PRR11: variants seen among roughly 807,000 people sequenced by gnomAD.
The protein encoded by PRR11 is proline-rich protein 11.
PRR11 carries 30 observed loss-of-function variants against 45.6 expected under a neutral mutation model. The ratio of observed to expected loss-of-function variants is 0.66; its 90% CI spans 0.49 to 0.89. The LOEUF (loss-of-function observed/expected upper bound fraction) is 0.89. Among genes scored for constraint, PRR11 ranks in the 40% least tolerant of loss-of-function variants. The pLI is 0.00. For synonymous variants in PRR11, 128 were observed against 153.5 expected (o/e 0.83, Z 1.23); for missense variants, 373 against 424.8 (o/e 0.88, Z 1.07).
chr17:59,190,183 A>G lies in PRR11; in HGVS notation c.403-3309A>G, dbSNP rs574310669. ...CCAGGGAGGAGGATGATATAGAATT[A>G]AGAATGGGCCAGGCACGGTGGCTCA... On this transcript the variant is annotated intron_variant, in intron 4 of 9. Coordinates refer to ENST00000262293, the MANE Select transcript of PRR11 (RefSeq NM_018304.4). Among the ~76,000 whole-genome samples the G allele has an allele frequency of 4.6e-5, 7 of 152,230 alleles. No homozygotes were observed. The South Asian group carries it at 1.4e-3, about 32-fold the overall frequency.
rs71367676 is a variant in PRR11 at position 59,176,684 on chromosome 17, C to CTT, written c.128+6833_128+6834dup. Among the ~76,000 whole-genome samples the CTT allele has an allele frequency of 7.7e-3, 302 of 39,012 alleles. 84 individuals are homozygous for CTT. The highest frequency in any genetic ancestry group is 0.03 in the African/African-American group (246 of 8,240). 25.6% of individuals were successfully genotyped at this position (39,012 alleles called of 152,430 possible). ...TGGCGTTGGAATTTGGTTTTTTTGG[C>CTT]TTTTTTTTTTTTTTTTTTTTTTTTT... On this transcript the variant is annotated intron_variant, in intron 2 of 9. Transcript: ENST00000262293.
chr17:59,185,252 C>A, intron 3 of PRR11, 48 bp downstream of exon 3: 1 of 1,600,566 alleles, frequency 6.2e-7, no homozygotes, highest in Admixed American at 1.7e-5. Flanking sequence ...TTTCTACACA[C>A]TTGGTGTTTA....
chr17:59,184,997 A>G, intron 2 of PRR11, 57 bp from the exon 3 acceptor site: 1 of 1,542,592 alleles, frequency 6.5e-7, no homozygotes, highest in Non-Finnish European at 8.8e-7. Flanking sequence ...ACACCAGGCC[A>G]AGGCTATTAT....
In PRR11 at chr17:59,180,510, G is replaced by GTTTTT. The variant is rs1555716481; in HGVS notation, c.129-4540_129-4536dup. On this transcript the variant is annotated intron_variant, in intron 2 of 9. Coordinates refer to ENST00000262293, the MANE Select transcript of PRR11 (RefSeq NM_018304.4). ...GGCCCGTCCTTGTTTTTTTTTTTTTGTTTTTTTTGTTTTTTTTGCCACAGG... is the reference window on the plus strand; with the variant it reads ...GGCCCGTCCTTGTTTTTTTTTTTTTGTTTTTTTTTTTTTGTTTTTTTTGCCACAGG... Among the ~76,000 whole-genome samples the GTTTTT allele has an allele frequency of 1.6e-4, 17 of 108,654 alleles. 1 individual carries two copies. Among genetic ancestry groups the GTTTTT allele is most frequent in the African/African-American group, 7.5e-4 (17 of 22,612 alleles). The allele number at this position is 108,654 out of a possible 152,430, so 71.3% of individuals were successfully genotyped here.
Position 59,205,564 on chromosome 17 carries a change from T to C in PRR11, c.*3933T>C, listed in dbSNP as rs573146891. On this transcript the variant is annotated 3_prime_UTR_variant, in exon 10 of 10. Coordinates refer to ENST00000262293, the MANE Select transcript of PRR11 (RefSeq NM_018304.4). ...TAAAAATACAAAAATTAGCCGGGCATAGTGGCAGACACCTGTAATCCCAGC... is the reference window on the plus strand; with the variant it reads ...TAAAAATACAAAAATTAGCCGGGCACAGTGGCAGACACCTGTAATCCCAGC... 3.5e-4 allele frequency among the ~76,000 whole-genome samples: 51 copies of C among 147,374 alleles called. No homozygotes were observed. The highest frequency in any genetic ancestry group is 1.2e-3 in the African/African-American group (49 of 39,698).
At chr17:59,199,957 C>A (rs4968331) in intron 9 of PRR11, among the ~76,000 whole-genome samples, 10,999 of 152,172 alleles carry the variant, frequency 0.072, 858 homozygotes, top group African/African-American at 0.18. Flanking sequence ...CGAGGCCTCA[C>A]GGGTCTTAGC....
chr17:59,190,661 A>G (rs902881516), intron 4 of PRR11, among the ~76,000 whole-genome samples: 3 of 152,224 alleles, frequency 2.0e-5, no homozygotes, highest in African/African-American at 4.8e-5. Context: ...CAGAGGCTCA[A>G]ATGATATTGT....
At chr17:59,198,965 G>A (rs935535125) in intron 9 of PRR11, among the ~76,000 whole-genome samples, 2 of 152,200 alleles carry the variant, frequency 1.3e-5, no homozygotes, top group African/African-American at 2.4e-5. Flanking sequence ...CCAGCAGTGT[G>A]TTGAAGTACT....
intron 5 of PRR11, among the ~76,000 whole-genome samples, chr17:59,194,079 G>A (rs937853281): frequency 6.6e-6 from 1 of 152,130 alleles, no homozygotes; most frequent in African/African-American, 2.4e-5. Flanking sequence ...CAAAGAGTTA[G>A]TGGATTCCAA....
At chr17:59,187,698 C>G (rs149609915) in intron 4 of PRR11, among the ~76,000 whole-genome samples, 3 of 151,790 alleles carry the variant, frequency 2.0e-5, no homozygotes, top group African/African-American at 7.3e-5. Flanking sequence ...AACCCTGTCT[C>G]TACTAAAAAT....
chr17:59,197,343 C>G (rs2046871367), intron 7 of PRR11, among the ~76,000 whole-genome samples: 1 of 150,968 alleles, frequency 6.6e-6, no homozygotes, highest in African/African-American at 2.4e-5. Flanking sequence ...GCTCTGCCTT[C>G]CGGGTTCACG....
At chr17:59,160,891 C>T (rs916243595) in intron 1 of PRR11, 7 of 151,730 alleles carry the variant, frequency 4.6e-5, no homozygotes, top group Non-Finnish European at 1.0e-4. Context: ...GCCACCACGC[C>T]AGGATTTTTT....
intron 4 of PRR11, among the ~76,000 whole-genome samples, chr17:59,187,856 C>T (rs886236225): frequency 4.1e-5 from 6 of 145,564 alleles, no homozygotes; most frequent in Non-Finnish European, 9.0e-5. Context: ...CAGAATGAGA[C>T]TCCATTAAAA....
chr17:59,198,360 C>T (rs760778544), intron 9 of PRR11, among the ~76,000 whole-genome samples: 27 of 151,502 alleles, frequency 1.8e-4, no homozygotes, highest in Non-Finnish European at 3.4e-4. Context: ...GCCAACATGA[C>T]AAAACCCTGT....
chr17:59,188,620 C>T (rs1488196504), intron 4 of PRR11, among the ~76,000 whole-genome samples: 1 of 151,970 alleles, frequency 6.6e-6, no homozygotes, highest in East Asian at 1.9e-4. Context: ...CATCAGTCCC[C>T]CTCCCCCAGG....
In PRR11 at chr17:59,169,654, T is replaced by C. The variant is rs2046697292; in HGVS notation, c.-5-94T>C. 3.0e-5 allele frequency: 35 copies of C among 1,164,884 alleles called. No homozygotes were observed. In the South Asian group the frequency reaches 5.9e-4, roughly 20 times the overall value. 72.2% of individuals were successfully genotyped at this position (1,164,884 alleles called of 1,614,324 possible). A position where few individuals can be genotyped will look rare whatever the true frequency, so the allele number is the denominator to read the frequency against. On this transcript the variant is annotated intron_variant, in intron 1 of 9. Coordinates refer to ENST00000262293, the MANE Select transcript of PRR11 (RefSeq NM_018304.4). ...GATGGTGGTTTCAAGGGTGTGTTCA[T>C]GGTATAATTCATTAACTATACACTT... is the stretch of plus-strand genomic sequence containing the variant.
At chr17:59,179,842 A>G in intron 2 of PRR11, 1 of 1,345,254 alleles carries the variant, frequency 7.4e-7, no homozygotes, top group Non-Finnish European at 1.0e-6. Context: ...TTTTCCAGCA[A>G]AGGGACCCAC....
Position 59,185,130 on chromosome 17 carries a change from A to G in PRR11, c.205A>G (p.Ile69Val), listed in dbSNP as rs1254927988. 20 of 1,613,908 alleles carry G rather than the reference A, an allele frequency of 1.2e-5. No homozygotes were observed. The highest frequency in any genetic ancestry group is 1.7e-5 in the Non-Finnish European group (20 of 1,179,826). Residue 69 changes from isoleucine (I) to valine (V), a missense_variant, in exon 3 of 10, where the codon ATC (isoleucine) becomes GTC (valine). Ile to Val is a conservative substitution (Grantham distance 29). Transcript: ENST00000262293. ...TSSWNFNFPN[I>V]RDAIKLWTNR... The stretch of plus-strand genomic sequence containing the variant: ...ATCCTGGAACTTCAATTTTCCTAAC[A>G]TCAGAGATGCAATAAAACTTTGGAC...
chr17:59,167,551 G>A (rs1599692121), intron 1 of PRR11, among the ~76,000 whole-genome samples: 1 of 152,174 alleles, frequency 6.6e-6, no homozygotes, highest in Admixed American at 6.6e-5. Flanking sequence ...TAAAAAAATG[G>A]CTATTCCATA....
Sources: allele counts gnomAD v4.1 joint callset (sites outside exome capture counted in the v4.1 genomes callset), GRCh38; gene constraint gnomAD v4.1.1; transcripts MANE v1.5; gene names NCBI Gene and HGNC (gene_info 2026-07-23, HGNC 2026-07-21).